The following TTC28 variants were observed in gnomAD, a reference collection of about 807,000 sequenced individuals.
The protein encoded by TTC28 is tetratricopeptide repeat protein 28.
In TTC28, 61 loss-of-function variants were observed where a neutral mutation model predicts 198.0. The observed-to-expected ratio is 0.31, with a 90% CI of 0.25 to 0.38. The LOEUF (loss-of-function observed/expected upper bound fraction) is 0.38, where lower values mean the gene tolerates loss of function less well. Among genes scored for constraint, TTC28 ranks in the 10% least tolerant of loss-of-function variants. The probability of loss-of-function intolerance (pLI) is 1.00; values close to 1 mark genes in which losing one functional copy is unlikely to be tolerated. For missense variants in TTC28, 2,678 were observed against 3,164.0 expected (o/e 0.85, Z 3.69); for synonymous variants, 1,171 against 1,297.8 (o/e 0.90, Z 2.10).
intron 6 of TTC28, among the ~76,000 whole-genome samples, chr22:28,111,462 T>A (rs1455651797): frequency 6.6e-6 from 1 of 152,184 alleles, no homozygotes; most frequent in African/African-American, 2.4e-5. Context: ...TAACATGTGG[T>A]CCTAAACCAC....
intron 2 of TTC28, among the ~76,000 whole-genome samples, chr22:28,313,367 C>A (rs900033162): frequency 6.6e-6 from 1 of 152,260 alleles, no homozygotes; most frequent in Admixed American, 6.5e-5. Context: ...TTTTATGAGG[C>A]CAGCATCATC....
chr22:28,530,891 C>CA (rs1488048588), intron 2 of TTC28, among the ~76,000 whole-genome samples: 2 of 152,068 alleles, frequency 1.3e-5, no homozygotes, highest in Non-Finnish European at 2.9e-5. Flanking sequence ...GCCTGCCTTA[C>CA]AAAGCTCCTG....
rs756474631 is a variant in TTC28 at position 28,096,396 on chromosome 22, T to C, written c.3560A>G (p.Glu1187Gly). The change falls in exon 11 of 23, where the codon GAA becomes GGA. Residue 1187 changes from glutamate (E) to glycine (G), a missense_variant. By Grantham distance (98) the Glu-to-Gly change is moderately conservative (BLOSUM62 -2). Coordinates refer to ENST00000397906, the MANE Select transcript of TTC28 (RefSeq NM_001145418.2). ...RVLVSLGHHD[E>G]ALAVAERGRT... ...TCCCCTTTCTGCCACAGCCAGGGCT[T>C]CATCATGATGGCCTAGGAGACAAAG... 1 of 1,551,304 alleles carries C rather than the reference T, an allele frequency of 6.4e-7. No individual in the cohort carries two copies.
At chr22:28,166,722 A>G (rs1190837111) in intron 5 of TTC28, among the ~76,000 whole-genome samples, 1 of 152,246 alleles carries the variant, frequency 6.6e-6, no homozygotes, top group Non-Finnish European at 1.5e-5. Flanking sequence ...AGAAAGCAGG[A>G]AAGATCTAAA....
At position 27,983,859 on chromosome 22, in the gene TTC28, C is replaced by T; in HGVS notation, c.5816-8G>A. ...TGGGTAGCTCAGTAGAATCTAAGCA[C>T]AAAACACAAGGGCCCCAAGGACAGT... On this transcript the variant is annotated splice_polypyrimidine_tract_variant and splice_region_variant and intron_variant, in intron 22 of 22. Coordinates refer to ENST00000397906, the MANE Select transcript of TTC28 (RefSeq NM_001145418.2). 3.2e-6 allele frequency: 5 copies of T among 1,542,648 alleles called. No homozygotes were observed. In the South Asian group the frequency reaches 6.1e-5, roughly 19 times the overall value.
intron 2 of TTC28, among the ~76,000 whole-genome samples, chr22:28,487,047 C>T (rs905340361): frequency 1.3e-4 from 19 of 151,994 alleles, no homozygotes; most frequent in East Asian, 3.9e-4. Flanking sequence ...GAGTGGAGGC[C>T]GTCCCCAATT....
At chr22:28,141,132 A>C (rs1021418959) in intron 6 of TTC28, among the ~76,000 whole-genome samples, 15 of 152,212 alleles carry the variant, frequency 9.9e-5, no homozygotes, top group African/African-American at 3.6e-4. Flanking sequence ...AGAGGCGCTC[A>C]ATCTCTGCTT....
chr22:28,359,814 A>G (rs1038150851), intron 2 of TTC28, among the ~76,000 whole-genome samples: 2 of 152,180 alleles, frequency 1.3e-5, no homozygotes, highest in African/African-American at 2.4e-5. Context: ...TGTCAGGATT[A>G]GATAACTTCA....
At chr22:28,238,030 CTCTTT>C (rs1470132188) in intron 5 of TTC28, among the ~76,000 whole-genome samples, 2 of 152,058 alleles carry the variant, frequency 1.3e-5, no homozygotes, top group East Asian at 1.9e-4. Flanking sequence ...TTCAGATTCT[CTCTTT>C]TATCATTTAT....
chr22:28,147,809 T>C (rs1045143368), intron 6 of TTC28, among the ~76,000 whole-genome samples: 3 of 152,234 alleles, frequency 2.0e-5, no homozygotes, highest in Non-Finnish European at 4.4e-5. Flanking sequence ...ATCATTATTA[T>C]TGTGACTTCT....
At chr22:28,554,923 C>A (rs1569022692) in intron 2 of TTC28, among the ~76,000 whole-genome samples, 2 of 151,984 alleles carry the variant, frequency 1.3e-5, no homozygotes, top group South Asian at 4.1e-4. Flanking sequence ...AGACAATCCA[C>A]GGAGTGAGAA....
chr22:28,325,028 T>A (rs1308147186), intron 2 of TTC28, among the ~76,000 whole-genome samples: 1 of 151,540 alleles, frequency 6.6e-6, no homozygotes, highest in African/African-American at 2.4e-5. Flanking sequence ...TTTCTATCAA[T>A]TGGAATCGTT....
chr22:28,537,171 T>C (rs1882957251), intron 2 of TTC28, among the ~76,000 whole-genome samples: 1 of 151,356 alleles, frequency 6.6e-6, no homozygotes, highest in African/African-American at 2.4e-5. Flanking sequence ...CGGGTGCCTG[T>C]AGTCCCAGCT....
intron 2 of TTC28, among the ~76,000 whole-genome samples, chr22:28,547,757 G>T (rs1458316260): frequency 6.6e-6 from 1 of 150,500 alleles, no homozygotes; most frequent in South Asian, 2.1e-4. Flanking sequence ...GCTGAGGCAT[G>T]TTAAAGAAAA....
At chr22:28,308,402 A>G (rs1245113268) in intron 2 of TTC28, among the ~76,000 whole-genome samples, 1 of 152,216 alleles carries the variant, frequency 6.6e-6, no homozygotes, top group Non-Finnish European at 1.5e-5. Flanking sequence ...AATATGCCAA[A>G]TAACTGTAAA....
intron 1 of TTC28, among the ~76,000 whole-genome samples, chr22:28,670,471 A>G (rs947019245): frequency 5.9e-5 from 9 of 152,096 alleles, no homozygotes; most frequent in African/African-American, 2.2e-4. Context: ...TCCGCTTAGA[A>G]TGTTTTCAAG....
At position 28,207,956 on chromosome 22, in the gene TTC28, C is replaced by T. The variant is rs189343735; in HGVS notation, c.934-44357G>A. Reference sequence around the variant, plus strand: ...AGGTTTGTCTCAAGAAGCTGTGCACCCTGTGGGCAAGGGGCAAGAAAAACT... The same window carrying T: ...AGGTTTGTCTCAAGAAGCTGTGCACTCTGTGGGCAAGGGGCAAGAAAAACT... On this transcript the variant is annotated intron_variant, in intron 5 of 22. Transcript: ENST00000397906. 1.4e-4 allele frequency among the ~76,000 whole-genome samples: 21 copies of T among 152,000 alleles called. 1 individual carries two copies. The highest frequency in any genetic ancestry group is 1.4e-3 in the Admixed American group (21 of 15,268).
At chr22:28,238,251 G>T (rs1163886943) in intron 5 of TTC28, among the ~76,000 whole-genome samples, 2 of 152,076 alleles carry the variant, frequency 1.3e-5, no homozygotes, top group Admixed American at 6.5e-5. Context: ...GATCACTGAG[G>T]TTTTATTAAT....
In TTC28 at chr22:28,032,177, TATATATATATAAA is replaced by T. The variant is rs1217378428; in HGVS notation, c.3933-1824_3933-1812del. ...TATCTACTTAGTGTGTGTATATATA[TATATATATATAAA>T]ATATATATATATAAAATATATATAT... On this transcript the variant is annotated intron_variant, in intron 12 of 22. Transcript: ENST00000397906. 5.6e-3 allele frequency among the ~76,000 whole-genome samples: 433 copies of T among 77,256 alleles called. 2 individuals are homozygous for T. Among genetic ancestry groups the T allele is most frequent in the Middle Eastern group, 0.019 (3 of 156 alleles). The allele number at this position is 77,256 out of a possible 152,430, so 50.7% of individuals were successfully genotyped here.
Sources: allele counts gnomAD v4.1 joint callset (sites outside exome capture counted in the v4.1 genomes callset), GRCh38; gene constraint gnomAD v4.1.1; transcripts MANE v1.5; gene names NCBI Gene and HGNC (gene_info 2026-07-23, HGNC 2026-07-21).